IFT80: variants seen among roughly 807,000 people sequenced by gnomAD.
The protein encoded by IFT80 is intraflagellar transport 80.
IFT80 carries 79 observed loss-of-function variants against 107.9 expected under a neutral mutation model. The ratio of observed to expected loss-of-function variants is 0.73; its 90% confidence interval spans 0.61 to 0.88. The LOEUF is 0.88. Among genes scored for constraint, IFT80 ranks in the 40% least tolerant of loss-of-function variants. The pLI is 0.00. For synonymous variants in IFT80, 299 were observed against 300.9 expected (o/e 0.99, Z 0.07); for missense variants, 797 against 914.2 (o/e 0.87, Z 1.65).
At chr3:160,302,906 A>G (rs923184981) in intron 11 of IFT80, among the ~76,000 whole-genome samples, 3 of 152,182 alleles carry the variant, frequency 2.0e-5, no homozygotes, top group African/African-American at 7.2e-5. Context: ...TTTGATACTC[A>G]TAAGAATCTG....
At chr3:160,293,401 C>T (rs1261309650) in intron 12 of IFT80, among the ~76,000 whole-genome samples, 1 of 152,154 alleles carries the variant, frequency 6.6e-6, no homozygotes, top group Non-Finnish European at 1.5e-5. Context: ...TGGTATAACA[C>T]TGGAATTGTT....
At chr3:160,324,907 A>C (rs1718568143) in intron 8 of IFT80, among the ~76,000 whole-genome samples, 1 of 151,542 alleles carries the variant, frequency 6.6e-6, no homozygotes. Flanking sequence ...AAATCTCCTT[A>C]AGCTGATAAG....
intron 8 of IFT80, among the ~76,000 whole-genome samples, chr3:160,345,034 G>A (rs557725092): frequency 6.6e-6 from 1 of 152,154 alleles, no homozygotes; most frequent in African/African-American, 2.4e-5. Flanking sequence ...GAGTTTAGAG[G>A]TTCCTCAAAA....
chr3:160,286,865 C>G (rs1231486021), intron 12 of IFT80, among the ~76,000 whole-genome samples: 1 of 151,692 alleles, frequency 6.6e-6, no homozygotes, highest in African/African-American at 2.4e-5. Context: ...CTTCAAAAAC[C>G]CTGAGAATTT....
At chr3:160,266,453 T>C (rs969653086) in intron 19 of IFT80, among the ~76,000 whole-genome samples, 2 of 151,700 alleles carry the variant, frequency 1.3e-5, no homozygotes, top group Admixed American at 1.3e-4. Context: ...AGTGGCATGA[T>C]CTCAACTCAC....
intron 8 of IFT80, among the ~76,000 whole-genome samples, chr3:160,328,152 A>G (rs1241249968): frequency 1.3e-5 from 2 of 152,128 alleles, no homozygotes; most frequent in Non-Finnish European, 2.9e-5. Context: ...ATCTCACACC[A>G]GTCAGAATGG....
At chr3:160,283,564 G>A (rs1203310521) in intron 13 of IFT80, among the ~76,000 whole-genome samples, 1 of 152,072 alleles carries the variant, frequency 6.6e-6, no homozygotes, top group Non-Finnish European at 1.5e-5. Context: ...AGAAAGAAAA[G>A]AATTTGGTTT....
At chr3:160,279,171 A>G in intron 16 of IFT80, 22 bp downstream of exon 16, 1 of 1,595,358 alleles carries the variant, frequency 6.3e-7, no homozygotes, top group Non-Finnish European at 8.6e-7. Flanking sequence ...ATATACAACT[A>G]TGAATCTAAA....
At chr3:160,370,032 C>G (rs1722124137) in intron 5 of IFT80, among the ~76,000 whole-genome samples, 1 of 152,064 alleles carries the variant, frequency 6.6e-6, no homozygotes, top group African/African-American at 2.4e-5. Flanking sequence ...CTGTTGAAGG[C>G]ATTTTAAACC....
intron 16 of IFT80, 32 bp from the exon 17 acceptor site, chr3:160,277,702 C>A (rs766407161): frequency 1.4e-6 from 2 of 1,398,264 alleles, no homozygotes; most frequent in Non-Finnish European, 2.0e-6. Flanking sequence ...ATTATCTTAA[C>A]TATGTGACTG....
chr3:160,285,871 T>C lies in IFT80; in HGVS notation c.1316-3A>G. On this transcript the variant is annotated splice_region_variant and splice_polypyrimidine_tract_variant and intron_variant, in intron 12 of 19. Transcript: ENST00000326448. ...TGATGCCTCAAAGAGGAAGATTACT[T>C]GAAAAAAAGTAGAACATTAATTAAT... The C allele has an allele frequency of 4.4e-6, 7 of 1,605,800 alleles. No individual in the cohort carries two copies. The highest frequency in any genetic ancestry group is 6.0e-6 in the Non-Finnish European group (7 of 1,173,680).
Position 160,258,565 on chromosome 3 carries a change from G to A in IFT80, c.2294C>T (p.Ser765Leu). ...TATACTCTTGCTGGATTGGCTGCTT[G>A]ATGATTGCTCTCTTTCTTTTGTAAT... ...MEITKEREQSSSSQSSKSIGL... is the reference protein window; with the variant it reads ...MEITKEREQSLSSQSSKSIGL... Residue 765 changes from serine to leucine, a missense_variant, in exon 20 of 20, where the codon TCA becomes TTA. By Grantham distance (145) the Ser-to-Leu change is moderately radical. Coordinates refer to ENST00000326448, the MANE Select transcript of IFT80 (RefSeq NM_020800.3). 1 of 1,613,608 alleles carries A rather than the reference G, an allele frequency of 6.2e-7. No homozygotes were observed. The highest frequency in any genetic ancestry group is 8.5e-7 in the Non-Finnish European group (1 of 1,179,948).
chr3:160,365,948 A>T, intron 6 of IFT80, 95 bp downstream of exon 6: 1 of 887,946 alleles, frequency 1.1e-6, no homozygotes, highest in Non-Finnish European at 1.9e-6. Context: ...AGACTGTAAA[A>T]AGACCACCCA....
rs777754118 is a variant in IFT80 at position 160,300,906 on chromosome 3, A to G, written c.1292T>C (p.Ile431Thr). The G allele has an allele frequency of 1.4e-5, 22 of 1,608,058 alleles. 1 individual carries two copies. In the South Asian group the frequency reaches 2.3e-4, roughly 17 times the overall value. Residue 431 changes from isoleucine to threonine, a missense_variant, in exon 12 of 20, where the codon ATA becomes ACA. Transcript: ENST00000326448. ...TVSLSNDTIA[I>T]RDKADEKIIF... Reference sequence around the variant, plus strand: ...ACTTTTTTCATCAGCTTTGTCTCTTATTGCTATGGTATCATTACTCAAAGA... The same window carrying G: ...ACTTTTTTCATCAGCTTTGTCTCTTGTTGCTATGGTATCATTACTCAAAGA...
At chr3:160,296,295 T>C (rs1715978477) in intron 12 of IFT80, among the ~76,000 whole-genome samples, 1 of 152,186 alleles carries the variant, frequency 6.6e-6, no homozygotes, top group South Asian at 2.1e-4. Flanking sequence ...AAAATAAACT[T>C]CTGGTAACTT....
chr3:160,382,311 T>G (rs1287221931), intron 2 of IFT80, among the ~76,000 whole-genome samples: 1 of 152,108 alleles, frequency 6.6e-6, no homozygotes, highest in Non-Finnish European at 1.5e-5. Context: ...CTTACCAAAC[T>G]TTTTTTAAAT....
chr3:160,313,058 AATATATATT>A (rs1445502760), intron 9 of IFT80, among the ~76,000 whole-genome samples: 59 of 101,726 alleles, frequency 5.8e-4, no homozygotes, highest in African/African-American at 2.1e-3. Flanking sequence ...TAATAAATAT[AATATATATT>A]ATATATATTT....
chr3:160,365,144 G>C (rs910977018), intron 6 of IFT80, among the ~76,000 whole-genome samples: 1 of 152,042 alleles, frequency 6.6e-6, no homozygotes, highest in African/African-American at 2.4e-5. Flanking sequence ...CTTTGACTAA[G>C]AGCCATCAAA....
intron 4 of IFT80, among the ~76,000 whole-genome samples, chr3:160,376,366 T>G (rs951055404): frequency 1.3e-5 from 2 of 152,186 alleles, no homozygotes; most frequent in African/African-American, 4.8e-5. Context: ...AGAGAGCTGT[T>G]TGTTAAGAGA....
Sources: gnomAD v4.1 joint callset for allele counts (sites outside exome capture counted in the v4.1 genomes callset) on GRCh38, gnomAD v4.1.1 for gene constraint, MANE v1.5 for transcripts, NCBI Gene and HGNC (gene_info 2026-07-23, HGNC 2026-07-21) for gene names.